Variants in MPP3 observed in about 807,000 individuals in gnomAD.
MPP3 encodes MAGUK p55 scaffold protein 3, also known as MAGUK p55 subfamily member 3.
MPP3 carries 48 observed loss-of-function variants against 80.7 expected under a neutral mutation model. That is an observed-to-expected ratio of 0.59 (90% CI 0.47 to 0.76). The LOEUF (loss-of-function observed/expected upper bound fraction) is 0.76. Ranked by LOEUF, MPP3 falls within the 30% of genes least tolerant of loss-of-function variation. The probability of loss-of-function intolerance (pLI) is 0.00; values close to 1 mark genes in which losing one functional copy is unlikely to be tolerated. For missense variants in MPP3, 620 were observed against 763.0 expected, an observed-to-expected ratio of 0.81 and a Z score of 2.21; for synonymous variants, 311 against 297.6, an observed-to-expected ratio of 1.04 and a Z score of -0.46.
intron 19 of MPP3, among the ~76,000 whole-genome samples, chr17:43,804,211 A>T (rs1199425866): frequency 6.6e-6 from 1 of 152,244 alleles, no homozygotes; most frequent in African/African-American, 2.4e-5. Flanking sequence ...ACAAATGGGC[A>T]GATTGATCCT....
At chr17:43,828,775 C>A (rs904633948) in intron 7 of MPP3, among the ~76,000 whole-genome samples, 1 of 152,330 alleles carries the variant, frequency 6.6e-6, no homozygotes, top group East Asian at 1.9e-4. Flanking sequence ...TTCTAGCCCC[C>A]CAGAACTGAG....
intron 7 of MPP3, among the ~76,000 whole-genome samples, chr17:43,828,227 C>T (rs958849503): frequency 1.8e-4 from 27 of 152,350 alleles, no homozygotes; most frequent in African/African-American, 6.5e-4. Flanking sequence ...CCAGCTAATT[C>T]TCACCCTGCC....
intron 8 of MPP3, 141 bp from the exon 9 acceptor site, chr17:43,825,982 G>A: frequency 3.2e-6 from 2 of 627,052 alleles, no homozygotes; most frequent in Non-Finnish European, 2.9e-6. Context: ...GTGGGACTGG[G>A]GCGAACTAAG....
At chr17:43,831,811 G>C (rs1021624741) in intron 3 of MPP3, 71 bp downstream of exon 3, 2 of 1,499,682 alleles carry the variant, frequency 1.3e-6, no homozygotes, top group South Asian at 1.2e-5. Context: ...CTCACTGCCA[G>C]GGCCTGGAGG....
In MPP3 at chr17:43,814,008, T is replaced by C; in HGVS notation, c.1255+3A>G. 6.2e-7 allele frequency: 1 copy of C among 1,610,004 alleles called. No homozygotes were observed. Among genetic ancestry groups the C allele is most frequent in the Non-Finnish European group, 8.5e-7 (1 of 1,177,406 alleles). ...ACACACACTCCCACATGGGCCCTCTTACGTGGAACAGCGACGCCAAAGTGC... is the reference window on the plus strand; with the variant it reads ...ACACACACTCCCACATGGGCCCTCTCACGTGGAACAGCGACGCCAAAGTGC... On this transcript the variant is annotated splice_donor_region_variant and intron_variant, in intron 16 of 19. Coordinates refer to ENST00000398389, the MANE Select transcript of MPP3 (RefSeq NM_001932.6).
At chr17:43,810,706 C>T in intron 18 of MPP3, 101 bp downstream of exon 18, 1 of 794,020 alleles carries the variant, frequency 1.3e-6, no homozygotes, top group Non-Finnish European at 2.0e-6. Flanking sequence ...GTGTTCTAGA[C>T]TAAAAATTCC....
intron 16 of MPP3, 131 bp downstream of exon 16, chr17:43,813,880 G>T: frequency 1.3e-6 from 1 of 752,380 alleles, no homozygotes; most frequent in Non-Finnish European, 2.2e-6. Flanking sequence ...CCCACAATTT[G>T]CCAATAGCAG....
chr17:43,825,922 C>T lies in MPP3; in HGVS notation c.524-81G>A, dbSNP rs1409697205. Reference sequence around the variant, plus strand: ...CTCAGAGCTCCAAGCACCACAGGGGCCGGCCTGAGAAGCCCACTGCAGGGC... The same window carrying T: ...CTCAGAGCTCCAAGCACCACAGGGGTCGGCCTGAGAAGCCCACTGCAGGGC... On this transcript the variant is annotated intron_variant, in intron 8 of 19. Coordinates refer to ENST00000398389, the MANE Select transcript of MPP3 (RefSeq NM_001932.6). 3.3e-6 allele frequency: 3 copies of T among 900,058 alleles called. No homozygotes were observed. The African/African-American group carries it at 4.9e-5, about 15-fold the overall frequency. 55.8% of individuals were successfully genotyped at this position (900,058 alleles called of 1,614,324 possible).
Position 43,814,202 on chromosome 17 carries a change from A to G in MPP3, c.1169T>C (p.Leu390Pro). Residue 390 changes from leucine (L) to proline (P), a missense_variant, in exon 15 of 20, where the codon CTG (leucine) becomes CCG (proline). Transcript: ENST00000398389. The stretch of plus-strand genomic sequence containing the variant: ...AAACCCAGGATGGCACCTACCGATC[A>G]GAACCACCAGGCGGGGCCGCTCTCC... ...QPGERPRLVV[L>P]IGSLGARLHE... 6.2e-7 allele frequency: 1 copy of G among 1,613,384 alleles called. No homozygotes were observed. Among genetic ancestry groups the G allele is most frequent in the Non-Finnish European group, 8.5e-7 (1 of 1,179,752 alleles).
Position 43,831,320 on chromosome 17 carries a change from A to G in MPP3, c.146T>C (p.Ile49Thr), listed in dbSNP as rs1263306608. 6.2e-7 allele frequency: 1 copy of G among 1,613,862 alleles called. No homozygotes were observed. The highest frequency in any genetic ancestry group is 1.3e-5 in the African/African-American group (1 of 74,924). Residue 49 changes from isoleucine (I) to threonine (T), a missense_variant and splice_region_variant, in exon 5 of 20, where the codon ATT becomes ACT. Transcript: ENST00000398389. ...TTCATAATAGCGAAGCTTCTCATGA[A>G]TCTGCAAAGACAGAGTATTTCAGAT... ...SEKSLSYLMKIHEKLRYYERQ... is the reference protein window; with the variant it reads ...SEKSLSYLMKTHEKLRYYERQ...
intron 13 of MPP3, 51 bp from the exon 14 acceptor site, chr17:43,816,130 C>T (rs369488489): frequency 1.1e-4 from 156 of 1,464,510 alleles, no homozygotes; most frequent in Admixed American, 3.3e-4. Flanking sequence ...CAGACACATC[C>T]GGCCCAGGGC....
chr17:43,807,151 T>C (rs1197777227), intron 19 of MPP3, among the ~76,000 whole-genome samples: 4 of 151,634 alleles, frequency 2.6e-5, no homozygotes, highest in Admixed American at 6.6e-5. Context: ...TTTGTATTTT[T>C]AGTATGAGAC....
chr17:43,810,692 G>T lies in MPP3; in HGVS notation c.1458+115C>A, dbSNP rs1598329138. The T allele has an allele frequency of 7.2e-6, 5 of 698,434 alleles. No homozygotes were observed. The East Asian group carries it at 7.9e-5, about 11-fold the overall frequency. The allele number at this position is 698,434 out of a possible 1,614,324, so 43.3% of individuals were successfully genotyped here. A position where few individuals can be genotyped will look rare whatever the true frequency, so the allele number is the denominator to read the frequency against. On this transcript the variant is annotated intron_variant, in intron 18 of 19. Coordinates refer to ENST00000398389, the MANE Select transcript of MPP3 (RefSeq NM_001932.6). Reference sequence around the variant, plus strand: ...AAGGAAGACCCAAAGAAATTGAACAGCCAGTGTTCTAGACTAAAAATTCCT... The same window carrying T: ...AAGGAAGACCCAAAGAAATTGAACATCCAGTGTTCTAGACTAAAAATTCCT...
At chr17:43,824,035 C>T in intron 9 of MPP3, 30 bp from the exon 10 acceptor site, 1 of 1,519,230 alleles carries the variant, frequency 6.6e-7, no homozygotes, top group Non-Finnish European at 9.1e-7. Context: ...AAGCTTCTCG[C>T]CTACCAGGTC....
Position 43,825,727 on chromosome 17 carries a change from C to G in MPP3, c.609+29G>C, listed in dbSNP as rs145473465. 34 of 1,486,886 alleles carry G rather than the reference C, an allele frequency of 2.3e-5. 1 individual carries two copies. In the South Asian group the frequency reaches 3.7e-4, roughly 16 times the overall value. 92.1% of individuals were successfully genotyped at this position (1,486,886 alleles called of 1,614,324 possible). On this transcript the variant is annotated intron_variant, in intron 9 of 19. Coordinates refer to ENST00000398389, the MANE Select transcript of MPP3 (RefSeq NM_001932.6). Reference sequence around the variant, plus strand: ...TTGCTCTGGGTGTCTGAAGACCCAGCACATCCCTAGCAGGCTTGTAGCACG... The same window carrying G: ...TTGCTCTGGGTGTCTGAAGACCCAGGACATCCCTAGCAGGCTTGTAGCACG...
intron 9 of MPP3, 147 bp downstream of exon 9, chr17:43,825,609 T>C (rs2045657292): frequency 3.3e-6 from 2 of 612,136 alleles, no homozygotes; most frequent in Admixed American, 2.5e-5. Flanking sequence ...CCGGGCACAC[T>C]GTTAGGGGCA....
At chr17:43,826,647 CTCTT>C (rs1192646000) in intron 8 of MPP3, among the ~76,000 whole-genome samples, 4 of 152,094 alleles carry the variant, frequency 2.6e-5, no homozygotes, top group African/African-American at 9.7e-5. Flanking sequence ...CACAAACACT[CTCTT>C]TGTAATAGTA....
At chr17:43,809,140 T>C in intron 18 of MPP3, 62 bp from the exon 19 acceptor site, 1 of 1,503,580 alleles carries the variant, frequency 6.7e-7, no homozygotes, top group Non-Finnish European at 8.9e-7. Context: ...AAATAGACTT[T>C]TGAAAGCTCA....
chr17:43,814,276 A>G lies in MPP3; in HGVS notation c.1095T>C (p.Ser365=), dbSNP rs773051460. The change falls in exon 15 of 20, where the codon TCT becomes TCC. Residue 365 remains serine, a synonymous_variant. Coordinates refer to ENST00000398389, the MANE Select transcript of MPP3 (RefSeq NM_001932.6). ...QEGKMSSGAE[S]PELLTYEEVA... is the part of the protein sequence containing the mutation. ...CCTCTTCGTAAGTCAGCAGCTCCGG[A>G]GACTCAGCTCCGGAGGACATCTTTC... The G allele has an allele frequency of 6.2e-7, 1 of 1,613,084 alleles. No homozygotes were observed. The highest frequency in any genetic ancestry group is 1.7e-5 in the Admixed American group (1 of 60,014).
Sources: allele counts gnomAD v4.1 joint callset (sites outside exome capture counted in the v4.1 genomes callset), GRCh38; gene constraint gnomAD v4.1.1; transcripts MANE v1.5; gene names NCBI Gene and HGNC (gene_info 2026-07-23, HGNC 2026-07-21).